The following NTRK2 variants were observed in gnomAD, a reference collection of about 807,000 sequenced individuals.
NTRK2 encodes the protein neurotrophic receptor tyrosine kinase 2.
NTRK2 carries 13 observed loss-of-function variants against 94.5 expected under a neutral mutation model. The ratio of observed to expected loss-of-function variants is 0.14; its 90% CI spans 0.09 to 0.22. The LOEUF is 0.22. Among genes scored for constraint, NTRK2 ranks in the 10% least tolerant of loss-of-function variants. The pLI is 1.00. For missense variants in NTRK2, 639 were observed against 1,071.2 expected, an observed-to-expected ratio of 0.60 and a Z score of 5.63; for synonymous variants, 372 against 407.4, an observed-to-expected ratio of 0.91 and a Z score of 1.05.
chr9:84,957,384 G>T (rs1028061189), intron 17 of NTRK2, among the ~76,000 whole-genome samples: 1 of 152,066 alleles, frequency 6.6e-6, no homozygotes, highest in African/African-American at 2.4e-5. Context: ...ATAATTTAAA[G>T]AAAAATACCT....
chr9:84,984,062 A>G (rs965814399), intron 17 of NTRK2, among the ~76,000 whole-genome samples: 25 of 152,174 alleles, frequency 1.6e-4, no homozygotes, highest in Admixed American at 1.6e-3. Flanking sequence ...AAAATTACCT[A>G]TCTTGGGGTT....
At chr9:84,906,009 G>A (rs2077065266) in intron 14 of NTRK2, among the ~76,000 whole-genome samples, 3 of 152,152 alleles carry the variant, frequency 2.0e-5, no homozygotes, top group Admixed American at 1.3e-4. Flanking sequence ...ATGTGAATTC[G>A]ATTTCCAATA....
chr9:84,964,457 T>A (rs1451320303), intron 17 of NTRK2, among the ~76,000 whole-genome samples: 3 of 152,142 alleles, frequency 2.0e-5, no homozygotes, highest in Non-Finnish European at 4.4e-5. Context: ...TTTGGGAAGT[T>A]TTTCCTTCGG....
chr9:84,671,581 T>C (rs779985080), intron 2 of NTRK2, among the ~76,000 whole-genome samples: 2 of 152,226 alleles, frequency 1.3e-5, no homozygotes, highest in Non-Finnish European at 2.9e-5. Flanking sequence ...AATATGATAG[T>C]TGGAAGCCTA....
At chr9:84,788,517 G>C (rs2068366711) in intron 12 of NTRK2, among the ~76,000 whole-genome samples, 1 of 152,098 alleles carries the variant, frequency 6.6e-6, no homozygotes, top group African/African-American at 2.4e-5. Context: ...CAGTCCTAGA[G>C]ACCAGAGCTT....
Position 84,840,427 on chromosome 9 carries a change from C to A in NTRK2, c.1397-20613C>A, listed in dbSNP as rs2074115389. 2.0e-5 allele frequency among the ~76,000 whole-genome samples: 3 copies of A among 152,002 alleles called. No homozygotes were observed. In the South Asian group the frequency reaches 6.2e-4, roughly 32 times the overall value. On this transcript the variant is annotated intron_variant, in intron 12 of 18. Coordinates refer to ENST00000277120, the MANE Select transcript of NTRK2 (RefSeq NM_006180.6). Reference sequence around the variant, plus strand: ...ACAAGCCTCCCCAGACCATATGCCACCTTTATATGCATGGCCATGGCTCTG... The same window carrying A: ...ACAAGCCTCCCCAGACCATATGCCAACTTTATATGCATGGCCATGGCTCTG...
chr9:84,840,422 T>C (rs2074115047), intron 12 of NTRK2, among the ~76,000 whole-genome samples: 1 of 152,072 alleles, frequency 6.6e-6, no homozygotes, highest in Non-Finnish European at 1.5e-5. Flanking sequence ...CCAGACCATA[T>C]GCCACCTTTA....
At chr9:84,710,573 C>T (rs2131829404) in intron 5 of NTRK2, 64 bp from the exon 6 acceptor site, 3 of 1,536,406 alleles carry the variant, frequency 2.0e-6, no homozygotes, top group South Asian at 1.1e-5. Flanking sequence ...TAGTATTTTA[C>T]AAGCACTAAT....
At chr9:84,981,264 T>TG (rs1285704826) in intron 17 of NTRK2, among the ~76,000 whole-genome samples, 5 of 67,256 alleles carry the variant, frequency 7.4e-5, no homozygotes, top group Admixed American at 4.1e-4. Context: ...TTTGTTTTGT[T>TG]GTTTTTTTTT....
At chr9:84,832,544 C>A (rs113264004) in intron 12 of NTRK2, among the ~76,000 whole-genome samples, 42 of 152,202 alleles carry the variant, frequency 2.8e-4, no homozygotes, top group African/African-American at 9.9e-4. Context: ...AGTGTCAGGG[C>A]GAGGGAGGTG....
intron 15 of NTRK2, among the ~76,000 whole-genome samples, chr9:84,937,428 A>G (rs1041480209): frequency 1.3e-5 from 2 of 152,166 alleles, no homozygotes; most frequent in African/African-American, 4.8e-5. Context: ...CAGATGTCAG[A>G]TTCCTGTAAA....
chr9:84,797,777 A>ATAATATATAT (rs1564298958), intron 12 of NTRK2, among the ~76,000 whole-genome samples: 8 of 4,726 alleles, frequency 1.7e-3, no homozygotes, highest in African/African-American at 5.4e-3. Flanking sequence ...AATATATATA[A>ATAATATATAT]TATATATTAT....
intron 16 of NTRK2, among the ~76,000 whole-genome samples, chr9:84,950,177 C>T (rs769561126): frequency 6.6e-5 from 10 of 152,306 alleles, no homozygotes; most frequent in East Asian, 3.9e-4. Context: ...AATAAGCAGA[C>T]GCTTGAATTC....
chr9:84,875,747 G>A (rs200254629), intron 14 of NTRK2: 52 of 1,052,138 alleles, frequency 4.9e-5, no homozygotes, highest in Admixed American at 3.8e-4. Context: ...AGTGATCCCC[G>A]GATCTTTCAT....
In NTRK2 at chr9:85,023,211, C is replaced by G. The variant is rs939072123; in HGVS notation, c.*1774C>G. The stretch of plus-strand genomic sequence containing the variant: ...GATATACCAAGAAAGAAAAATATTT[C>G]TGTTCCTCAAGAAAACTTGCTACCC... On this transcript the variant is annotated 3_prime_UTR_variant, in exon 19 of 19. Coordinates refer to ENST00000277120, the MANE Select transcript of NTRK2 (RefSeq NM_006180.6). The G allele has an allele frequency of 4.7e-5, 11 of 233,066 alleles. No individual in the cohort carries two copies. The highest frequency in any genetic ancestry group is 3.6e-4 in the South Asian group (2 of 5,526). The allele number at this position is 233,066 out of a possible 1,614,324, so 14.4% of individuals were successfully genotyped here. A position where few individuals can be genotyped will look rare whatever the true frequency, so the allele number is the denominator to read the frequency against.
chr9:84,789,515 T>G (rs2068503490), intron 12 of NTRK2, among the ~76,000 whole-genome samples: 1 of 152,060 alleles, frequency 6.6e-6, no homozygotes, highest in Non-Finnish European at 1.5e-5. Flanking sequence ...AAAGACAAGT[T>G]TGAATGTTAG....
intron 6 of NTRK2, among the ~76,000 whole-genome samples, chr9:84,711,138 C>T (rs2061395422): frequency 6.6e-6 from 1 of 152,232 alleles, no homozygotes; most frequent in South Asian, 2.1e-4. Flanking sequence ...TGGCACTTCT[C>T]TGGCCACATA....
At chr9:84,781,796 C>T (rs1327553929) in intron 12 of NTRK2, among the ~76,000 whole-genome samples, 1 of 152,052 alleles carries the variant, frequency 6.6e-6, no homozygotes, top group Non-Finnish European at 1.5e-5. Context: ...TAGAAGATAA[C>T]ATCAAATTGG....
chr9:84,733,053 A>G (rs1047818285), intron 9 of NTRK2, among the ~76,000 whole-genome samples: 2 of 152,116 alleles, frequency 1.3e-5, no homozygotes, highest in African/African-American at 2.4e-5. Flanking sequence ...GGTCAAGCCA[A>G]ATGCCACCTA....
Sources: allele counts gnomAD v4.1 joint callset (sites outside exome capture counted in the v4.1 genomes callset), GRCh38; gene constraint gnomAD v4.1.1; transcripts MANE v1.5; gene names NCBI Gene and HGNC (gene_info 2026-07-23, HGNC 2026-07-21).